SLIT3: variants seen among roughly 807,000 people sequenced by gnomAD.
The protein encoded by SLIT3 is slit guidance ligand 3, also known as slit homolog 3 protein.
SLIT3 carries 68 observed loss-of-function variants against 184.0 expected under a neutral mutation model. That is an observed-to-expected ratio of 0.37 (90% CI 0.30 to 0.45). The LOEUF (loss-of-function observed/expected upper bound fraction) is 0.45, where lower values mean the gene tolerates loss of function less well. SLIT3 is among the 20% of genes least tolerant of loss of function. SLIT3 has a pLI of 1.00. For missense variants in SLIT3, 1,707 were observed against 2,026.0 expected, an observed-to-expected ratio of 0.84 and a Z score of 3.02; for synonymous variants, 831 against 828.6, an observed-to-expected ratio of 1.00 and a Z score of -0.05.
intron 16 of SLIT3, among the ~76,000 whole-genome samples, chr5:168,759,373 T>A (rs373756159): frequency 6.6e-6 from 1 of 152,222 alleles, no homozygotes; most frequent in East Asian, 1.9e-4. Flanking sequence ...TGATCCATAA[T>A]GTTGAACTCA....
rs372647317 is a variant in SLIT3 at position 169,143,521 on chromosome 5, G to A, written c.413+49958C>T. Among the ~76,000 whole-genome samples, 4 of 152,318 alleles carry A rather than the reference G, an allele frequency of 2.6e-5. No individual in the cohort carries two copies. In the East Asian group the frequency reaches 5.8e-4, roughly 22 times the overall value. On this transcript the variant is annotated intron_variant, in intron 4 of 35. Transcript: ENST00000519560. The stretch of plus-strand genomic sequence containing the variant: ...CATAAATAGTATGTATGCATTGGCC[G>A]GGTGCAGTGGCTCATACCTGTAATC...
rs1288712400 is a variant in SLIT3, at chr5:169,268,712, T to A, written c.198-17253A>T. On this transcript the variant is annotated intron_variant, in intron 1 of 35. Coordinates refer to ENST00000519560, the MANE Select transcript of SLIT3 (RefSeq NM_003062.4). ...AACCACCCTTATCTGCAAAATGGGT[T>A]AGCAGCACTTGCAGAACCTCAGAGG... 7.9e-5 allele frequency among the ~76,000 whole-genome samples: 12 copies of A among 152,330 alleles called. No individual in the cohort carries two copies. In the East Asian group the frequency reaches 2.1e-3, roughly 27 times the overall value.
chr5:169,219,276 G>A (rs1764545058), intron 3 of SLIT3, among the ~76,000 whole-genome samples: 1 of 152,228 alleles, frequency 6.6e-6, no homozygotes, highest in Non-Finnish European at 1.5e-5. Context: ...TGTAACAGCA[G>A]CAACTCCTAA....
At position 169,140,621 on chromosome 5, in the gene SLIT3, T is replaced by C. The variant is rs149834790; in HGVS notation, c.413+52858A>G. Reference sequence around the variant, plus strand: ...GAGTCTGAGACCAGCCTGGACTACATAGTGAGACCCTGTGTCTACAAAGAG... The same window carrying C: ...GAGTCTGAGACCAGCCTGGACTACACAGTGAGACCCTGTGTCTACAAAGAG... On this transcript the variant is annotated intron_variant, in intron 4 of 35. Transcript: ENST00000519560. Among the ~76,000 whole-genome samples, 145 of 150,968 alleles carry C rather than the reference T, an allele frequency of 9.6e-4. 5 individuals are homozygous for C. The highest frequency in any genetic ancestry group is 3.4e-3 in the African/African-American group (140 of 41,236).
At chr5:168,888,663 CT>C (rs1760319658) in intron 4 of SLIT3, among the ~76,000 whole-genome samples, 1 of 152,186 alleles carries the variant, frequency 6.6e-6, no homozygotes, top group Admixed American at 6.5e-5. Flanking sequence ...TTGACTACCT[CT>C]TCAATCCCTC....
intron 4 of SLIT3, among the ~76,000 whole-genome samples, chr5:169,081,319 G>A (rs1487914630): frequency 1.3e-5 from 2 of 152,184 alleles, no homozygotes; most frequent in African/African-American, 4.8e-5. Context: ...TTCATGCAGT[G>A]CAGCCAGCGG....
intron 5 of SLIT3, among the ~76,000 whole-genome samples, chr5:168,851,831 A>G (rs1758690522): frequency 6.6e-6 from 1 of 152,098 alleles, no homozygotes; most frequent in African/African-American, 2.4e-5. Flanking sequence ...CCTCAACCAT[A>G]TCCCTAAACC....
intron 9 of SLIT3, among the ~76,000 whole-genome samples, chr5:168,798,679 G>A (rs975219701): frequency 3.3e-5 from 5 of 152,066 alleles, no homozygotes; most frequent in African/African-American, 9.7e-5. Flanking sequence ...CAGTGGGAGC[G>A]TGGTTGCGAA....
At chr5:168,903,834 C>G (rs1272043256) in intron 4 of SLIT3, among the ~76,000 whole-genome samples, 1 of 152,102 alleles carries the variant, frequency 6.6e-6, no homozygotes, top group African/African-American at 2.4e-5. Flanking sequence ...ATTAAATAAC[C>G]AAATGTAGAA....
chr5:168,972,337 A>ATGTGTGTGTGTGTGTGCGTGTGTG (rs1754604414), intron 4 of SLIT3, among the ~76,000 whole-genome samples: 1 of 118,250 alleles, frequency 8.5e-6, no homozygotes, highest in Non-Finnish European at 1.7e-5. Context: ...GCAGGACAAC[A>ATGTGTGTGTGTGTGTGCGTGTGTG]TGTGTGTGTG....
At chr5:168,724,350 A>C (rs543373899) in intron 21 of SLIT3, 66 bp downstream of exon 21, 2 of 1,313,072 alleles carry the variant, frequency 1.5e-6, no homozygotes, top group Non-Finnish European at 2.2e-6. Flanking sequence ...CTTACCATCC[A>C]CTTCAGTTTC....
At chr5:168,714,014 C>T (rs1195739580) in intron 23 of SLIT3, among the ~76,000 whole-genome samples, 1 of 152,224 alleles carries the variant, frequency 6.6e-6, no homozygotes, top group Non-Finnish European at 1.5e-5. Context: ...TCATCACCAT[C>T]AGCTCCTTCT....
At chr5:168,838,221 C>T (rs548389877) in intron 6 of SLIT3, among the ~76,000 whole-genome samples, 7 of 152,210 alleles carry the variant, frequency 4.6e-5, no homozygotes, top group East Asian at 3.9e-4. Context: ...GATCTGAGTT[C>T]GGAAAGAGTA....
At chr5:169,229,641 C>A (rs918463107) in intron 3 of SLIT3, among the ~76,000 whole-genome samples, 1 of 97,720 alleles carries the variant, frequency 1.0e-5, no homozygotes, top group African/African-American at 4.6e-5. Flanking sequence ...CAAATAAATT[C>A]TTCTCTCTCT....
At chr5:169,076,597 T>C (rs1231826105) in intron 4 of SLIT3, among the ~76,000 whole-genome samples, 1 of 152,146 alleles carries the variant, frequency 6.6e-6, no homozygotes, top group African/African-American at 2.4e-5. Flanking sequence ...TCTGATCTCA[T>C]ACTTACTTTA....
chr5:168,976,105 T>C (rs62377252), intron 4 of SLIT3, among the ~76,000 whole-genome samples: 9,678 of 152,250 alleles, frequency 0.064, 362 homozygotes, highest in African/African-American at 0.095. Flanking sequence ...TCTCAGTGCT[T>C]TCATTCATGA....
chr5:169,028,662 G>A (rs527715420), intron 4 of SLIT3, among the ~76,000 whole-genome samples: 75 of 152,294 alleles, frequency 4.9e-4, no homozygotes, highest in Admixed American at 1.2e-3. Flanking sequence ...ACTTTCCTAG[G>A]AAGAGGTCCA....
intron 4 of SLIT3, among the ~76,000 whole-genome samples, chr5:169,089,363 C>T (rs1229654009): frequency 2.0e-5 from 3 of 152,178 alleles, no homozygotes; most frequent in African/African-American, 7.2e-5. Flanking sequence ...TACTTCACCA[C>T]GTGCTACTTC....
At chr5:169,190,365 C>A (rs1334875712) in intron 4 of SLIT3, among the ~76,000 whole-genome samples, 1 of 152,196 alleles carries the variant, frequency 6.6e-6, no homozygotes, top group Non-Finnish European at 1.5e-5. Flanking sequence ...TTAATGACAT[C>A]ACCAAGCCCC....
Sources: allele counts gnomAD v4.1 joint callset (sites outside exome capture counted in the v4.1 genomes callset), GRCh38; gene constraint gnomAD v4.1.1; transcripts MANE v1.5; gene names NCBI Gene and HGNC (gene_info 2026-07-23, HGNC 2026-07-21).